FSTL1: variants seen among roughly 807,000 people sequenced by gnomAD.
FSTL1 encodes the protein follistatin like 1.
Under a neutral mutation model 45.9 loss-of-function variants are expected in FSTL1, and 24 were observed. The ratio of observed to expected loss-of-function variants is 0.52; its 90% CI spans 0.38 to 0.74. The LOEUF is 0.74. FSTL1 is among the 30% of genes least tolerant of loss of function. The probability of loss-of-function intolerance (pLI) is 0.00; values close to 1 mark genes in which losing one functional copy is unlikely to be tolerated. For synonymous variants in FSTL1, 120 were observed against 137.6 expected (o/e 0.87, Z 0.89); for missense variants, 340 against 381.8 (o/e 0.89, Z 0.91).
At chr3:120,411,787 C>A (rs1410879861) in intron 4 of FSTL1, 67 bp downstream of exon 4, 1 of 1,438,376 alleles carries the variant, frequency 7.0e-7, no homozygotes, top group Non-Finnish European at 9.7e-7. Flanking sequence ...GTCAGCCAGG[C>A]CACACTGCTC....
chr3:120,399,849 C>A, intron 10 of FSTL1, 34 bp downstream of exon 10: 2 of 1,464,780 alleles, frequency 1.4e-6, no homozygotes, highest in South Asian at 1.2e-5. Context: ...ATGGCAACAG[C>A]AACACCTGAA....
intron 2 of FSTL1, among the ~76,000 whole-genome samples, chr3:120,428,747 A>ACAG (rs1553704104): frequency 4.5e-5 from 4 of 89,042 alleles, no homozygotes; most frequent in African/African-American, 8.4e-5. Flanking sequence ...CAAAAAACAA[A>ACAG]CAGCAACAAC....
chr3:120,437,258 T>C (rs923982763), intron 2 of FSTL1, among the ~76,000 whole-genome samples: 4 of 152,164 alleles, frequency 2.6e-5, no homozygotes, highest in African/African-American at 4.8e-5. Context: ...CAGAAGCTAA[T>C]AGGATATGTT....
chr3:120,441,871 G>A (rs1335617567), intron 2 of FSTL1, among the ~76,000 whole-genome samples: 1 of 152,254 alleles, frequency 6.6e-6, no homozygotes, highest in African/African-American at 2.4e-5. Context: ...AACAGGCTCA[G>A]AGAGGTTTTA....
At chr3:120,436,169 C>T (rs1937554194) in intron 2 of FSTL1, among the ~76,000 whole-genome samples, 1 of 151,838 alleles carries the variant, frequency 6.6e-6, no homozygotes, top group African/African-American at 2.4e-5. Context: ...AATGAAAAAA[C>T]ACAAAGACTC....
chr3:120,410,362 A>G (rs1937027936), intron 5 of FSTL1: 1 of 174,710 alleles, frequency 5.7e-6, no homozygotes, highest in African/African-American at 2.4e-5. Flanking sequence ...AAAATCTGGG[A>G]GTTCTTCCCC....
intron 6 of FSTL1, among the ~76,000 whole-genome samples, chr3:120,407,933 G>A (rs1003970788): frequency 2.6e-4 from 39 of 152,322 alleles, no homozygotes; most frequent in Middle Eastern, 3.4e-3. Context: ...GATGTGTTGA[G>A]GGGAATGTGG....
chr3:120,419,952 G>A (rs1341497809), intron 2 of FSTL1, among the ~76,000 whole-genome samples: 2 of 152,170 alleles, frequency 1.3e-5, no homozygotes, highest in Non-Finnish European at 2.9e-5. Context: ...CCATGTAACA[G>A]ATGCAGAGGC....
chr3:120,446,462 G>A (rs1011111593), intron 2 of FSTL1, among the ~76,000 whole-genome samples: 1 of 152,206 alleles, frequency 6.6e-6, no homozygotes, highest in Non-Finnish European at 1.5e-5. Flanking sequence ...GGCCTCCTAT[G>A]CTGGGTGCTT....
At chr3:120,428,605 G>A (rs1378374639) in intron 2 of FSTL1, among the ~76,000 whole-genome samples, 1 of 152,136 alleles carries the variant, frequency 6.6e-6, no homozygotes, top group Non-Finnish European at 1.5e-5. Flanking sequence ...GTGGTGACTT[G>A]CACCTGTAAA....
At chr3:120,431,078 TCTC>T (rs1281048720) in intron 2 of FSTL1, among the ~76,000 whole-genome samples, 5 of 152,150 alleles carry the variant, frequency 3.3e-5, no homozygotes, top group Admixed American at 6.5e-5. Flanking sequence ...TTCAAGCAAT[TCTC>T]CTTCCTCAAT....
At chr3:120,403,610 C>G (rs1294840681) in intron 7 of FSTL1, among the ~76,000 whole-genome samples, 2 of 152,112 alleles carry the variant, frequency 1.3e-5, no homozygotes, top group East Asian at 3.8e-4. Flanking sequence ...CTTAAGATGA[C>G]TAAAGTTTCG....
intron 2 of FSTL1, among the ~76,000 whole-genome samples, chr3:120,422,494 A>C (rs1320392973): frequency 6.6e-6 from 1 of 152,172 alleles, no homozygotes; most frequent in Non-Finnish European, 1.5e-5. Flanking sequence ...GTGATATCTC[A>C]ATAAAGCTGC....
chr3:120,403,287 CTTGGA>C lies in FSTL1; in HGVS notation c.644_648del (p.Phe215Ter). ...GATGGGTTGAGGCACTTGAGAAACT[CTTGGA>C]AGCTGAGTTTCCAATCAGCATTTTC... is the stretch of plus-strand genomic sequence containing the variant. On this transcript the variant is annotated frameshift_variant, in exon 8 of 11. Transcript: ENST00000295633. LOFTEE classifies it high-confidence loss of function. 1 of 1,612,554 alleles carries C rather than the reference CTTGGA, an allele frequency of 6.2e-7. No homozygotes were observed. The highest frequency in any genetic ancestry group is 1.3e-5 in the African/African-American group (1 of 75,000).
intron 2 of FSTL1, among the ~76,000 whole-genome samples, chr3:120,443,612 A>C (rs558552978): frequency 6.7e-6 from 1 of 149,732 alleles, no homozygotes; most frequent in South Asian, 2.1e-4. Flanking sequence ...ATCCCATGAC[A>C]CACACACACA....
intron 2 of FSTL1, among the ~76,000 whole-genome samples, chr3:120,438,108 G>A (rs1303640538): frequency 6.6e-6 from 1 of 152,156 alleles, no homozygotes; most frequent in Admixed American, 6.5e-5. Flanking sequence ...AATAGTTTCA[G>A]ACAACTATTT....
intron 2 of FSTL1, among the ~76,000 whole-genome samples, chr3:120,438,060 A>G (rs898107219): frequency 6.6e-6 from 1 of 152,208 alleles, no homozygotes; most frequent in Non-Finnish European, 1.5e-5. Context: ...TGAGAAAGTA[A>G]TAAGAAGGAT....
chr3:120,437,432 TATAAC>T (rs1937582308), intron 2 of FSTL1, among the ~76,000 whole-genome samples: 1 of 152,196 alleles, frequency 6.6e-6, no homozygotes, highest in South Asian at 2.1e-4. Flanking sequence ...ATCAGGGCAG[TATAAC>T]ATAAGTCAAA....
intron 2 of FSTL1, among the ~76,000 whole-genome samples, chr3:120,446,397 G>C (rs889607728): frequency 6.6e-6 from 1 of 152,188 alleles, no homozygotes; most frequent in Non-Finnish European, 1.5e-5. Context: ...CCAATCCAGA[G>C]ACTTCTAGGG....
Sources: gnomAD v4.1 joint callset for allele counts (sites outside exome capture counted in the v4.1 genomes callset) on GRCh38, gnomAD v4.1.1 for gene constraint, MANE v1.5 for transcripts, NCBI Gene and HGNC (gene_info 2026-07-23, HGNC 2026-07-21) for gene names.